Variants in SHC3 observed in about 807,000 individuals in gnomAD.
The protein encoded by SHC3 is SHC-transforming protein 3.
In SHC3, 15 loss-of-function variants were observed where a neutral mutation model predicts 60.4. That is an observed-to-expected ratio of 0.25 (90% CI 0.17 to 0.38). The LOEUF (loss-of-function observed/expected upper bound fraction) is 0.38, where lower values mean the gene tolerates loss of function less well. SHC3 is among the 10% of genes least tolerant of loss of function. The pLI, the probability that SHC3 is intolerant of heterozygous loss-of-function variation, is 1.00. For missense variants in SHC3, 677 were observed against 786.1 expected (o/e 0.86, Z 1.66); for synonymous variants, 294 against 325.9 (o/e 0.90, Z 1.05).
chr9:89,112,496 A>G, intron 2 of SHC3, 60 bp downstream of exon 2: 2 of 1,570,214 alleles, frequency 1.3e-6, no homozygotes, highest in Non-Finnish European at 1.7e-6. Flanking sequence ...TCAGCTGTTA[A>G]TCTCTGAGAT....
In SHC3 at chr9:89,075,113, T is replaced by C; in HGVS notation, c.725A>G (p.Lys242Arg). The C allele has an allele frequency of 6.2e-7, 1 of 1,613,892 alleles. No individual in the cohort carries two copies. Residue 242 changes from lysine (K) to arginine (R), a missense_variant, in exon 4 of 12, where the codon AAA (lysine) becomes AGA (arginine). By Grantham distance (26) the Lys-to-Arg change is conservative. Coordinates refer to ENST00000375835, the MANE Select transcript of SHC3 (RefSeq NM_016848.6). ...ASLNLRTPDS[K>R]QIIANHHMRS... ...GGGATCTGAGCACCCATGTACCTGT[T>C]TGGAGTCCGGAGTTCGCAGGTTCAG... is the stretch of plus-strand genomic sequence containing the variant.
intron 1 of SHC3, among the ~76,000 whole-genome samples, chr9:89,144,895 T>C (rs574471782): frequency 7.9e-5 from 12 of 152,134 alleles, no homozygotes; most frequent in African/African-American, 2.9e-4. Flanking sequence ...CTCCACACCA[T>C]ACAGGGCTGG....
intron 1 of SHC3, among the ~76,000 whole-genome samples, chr9:89,165,820 C>T (rs892441433): frequency 6.6e-6 from 1 of 152,186 alleles, no homozygotes; most frequent in African/African-American, 2.4e-5. Flanking sequence ...GTTGCACCAC[C>T]AGTTAGCGAC....
At chr9:89,033,023 C>T (rs1046467938) in intron 11 of SHC3, among the ~76,000 whole-genome samples, 7 of 145,420 alleles carry the variant, frequency 4.8e-5, no homozygotes, top group African/African-American at 1.7e-4. Context: ...AAAAGCCCCC[C>T]CACCGAAGAA....
chr9:89,073,902 G>T (rs768410076), intron 4 of SHC3, among the ~76,000 whole-genome samples: 2 of 152,216 alleles, frequency 1.3e-5, no homozygotes, highest in Non-Finnish European at 2.9e-5. Flanking sequence ...CGCAGTCTTG[G>T]ACCATGCCAG....
chr9:89,137,078 G>T (rs1826330577), intron 1 of SHC3, among the ~76,000 whole-genome samples: 1 of 152,050 alleles, frequency 6.6e-6, no homozygotes. Context: ...GATCTTGTGA[G>T]AACATACTCA....
At chr9:89,072,712 CG>C (rs969283063) in intron 4 of SHC3, among the ~76,000 whole-genome samples, 2 of 151,944 alleles carry the variant, frequency 1.3e-5, no homozygotes, top group African/African-American at 4.8e-5. Flanking sequence ...AGTAAATTTC[CG>C]GGGGTGAGAA....
chr9:89,083,792 C>G (rs1224447055), intron 2 of SHC3, among the ~76,000 whole-genome samples: 1 of 152,184 alleles, frequency 6.6e-6, no homozygotes, highest in Non-Finnish European at 1.5e-5. Context: ...TTTTCTCCAT[C>G]CCGAAGCTGT....
At chr9:89,072,740 C>A (rs770853536) in intron 4 of SHC3, among the ~76,000 whole-genome samples, 56 of 152,158 alleles carry the variant, frequency 3.7e-4, no homozygotes, top group Non-Finnish European at 7.1e-4. Context: ...TCATCTCTAA[C>A]CCAACATAAC....
chr9:89,048,914 G>A (rs1824817207), intron 7 of SHC3, among the ~76,000 whole-genome samples: 1 of 152,168 alleles, frequency 6.6e-6, no homozygotes, highest in Non-Finnish European at 1.5e-5. Context: ...GGGGTGTCAG[G>A]TCACCGACAG....
intron 6 of SHC3, among the ~76,000 whole-genome samples, chr9:89,063,162 G>C (rs575746306): frequency 1.2e-4 from 18 of 152,158 alleles, no homozygotes; most frequent in Admixed American, 1.0e-3. Context: ...ACGGAGTCTC[G>C]CTCTGTCGCC....
rs1217533604 is a variant in SHC3 at position 89,075,218 on chromosome 9, T to G, written c.620A>C (p.Lys207Thr). ...GAFKKRKPPS[K>T]MLSSILGKSN... ...CTTTCCCAAGATGCTGGACAGCATT[T>G]TGCTTGGAGGCTGTGAAATTAAAGA... is the stretch of plus-strand genomic sequence containing the variant. The change falls in exon 4 of 12, where the codon AAA becomes ACA. Residue 207 changes from lysine (K) to threonine (T), a missense_variant. Transcript: ENST00000375835. 1 of 1,613,762 alleles carries G rather than the reference T, an allele frequency of 6.2e-7. No individual in the cohort carries two copies. Among genetic ancestry groups the G allele is most frequent in the Non-Finnish European group, 8.5e-7 (1 of 1,179,792 alleles).
At chr9:89,142,754 C>G (rs1022738623) in intron 1 of SHC3, among the ~76,000 whole-genome samples, 1 of 151,904 alleles carries the variant, frequency 6.6e-6, no homozygotes, top group African/African-American at 2.4e-5. Context: ...AAGTTGGCCT[C>G]TAACCCAATC....
At position 89,049,027 on chromosome 9, in the gene SHC3, C is replaced by T. The variant is rs552442570; in HGVS notation, c.963-2033G>A. On this transcript the variant is annotated intron_variant, in intron 7 of 11. Transcript: ENST00000375835. ...CTGTAATCCCAGCACTTTGGGAGGC[C>T]GAGAGGGGCGGATCACGAGGTCAGG... Among the ~76,000 whole-genome samples the T allele has an allele frequency of 6.0e-4, 92 of 152,182 alleles. 2 individuals are homozygous for T. In the Middle Eastern group the frequency reaches 0.02, roughly 34 times the overall value.
intron 11 of SHC3, among the ~76,000 whole-genome samples, chr9:89,018,048 G>A (rs1189643013): frequency 1.3e-5 from 2 of 152,198 alleles, no homozygotes; most frequent in African/African-American, 4.8e-5. Context: ...TGGTGGGAGT[G>A]TAAATTAGTT....
intron 11 of SHC3, among the ~76,000 whole-genome samples, chr9:89,019,007 T>C (rs1826152858): frequency 6.7e-6 from 1 of 149,770 alleles, no homozygotes. Flanking sequence ...TGCGGTGAAC[T>C]GAGATCATGC....
intron 11 of SHC3, among the ~76,000 whole-genome samples, chr9:89,030,409 G>A (rs1001623157): frequency 2.6e-5 from 4 of 152,102 alleles, no homozygotes; most frequent in African/African-American, 4.8e-5. Flanking sequence ...TCCATGCAAC[G>A]ACATTCTTTA....
At chr9:89,071,785 T>C (rs937770545) in intron 4 of SHC3, among the ~76,000 whole-genome samples, 2 of 152,292 alleles carry the variant, frequency 1.3e-5, no homozygotes, top group Admixed American at 6.5e-5. Context: ...ACTCTGGTCA[T>C]AAAAAGGAGG....
At chr9:89,031,787 C>T (rs1824496569) in intron 11 of SHC3, among the ~76,000 whole-genome samples, 2 of 152,200 alleles carry the variant, frequency 1.3e-5, no homozygotes, top group South Asian at 4.1e-4. Flanking sequence ...CTTCTATCTC[C>T]TTTGTTTATG....
Sources: gnomAD v4.1 joint callset for allele counts (sites outside exome capture counted in the v4.1 genomes callset) on GRCh38, gnomAD v4.1.1 for gene constraint, MANE v1.5 for transcripts, NCBI Gene and HGNC (gene_info 2026-07-23, HGNC 2026-07-21) for gene names.